The following CEP135 variants were observed in gnomAD, a reference collection of about 807,000 sequenced individuals.
CEP135 encodes the protein centrosomal protein of 135 kDa.
In CEP135, 142 loss-of-function variants were observed where a neutral mutation model predicts 157.3. The observed-to-expected ratio is 0.90, with a 90% CI of 0.79 to 1.04. The LOEUF is 1.04. Among genes scored for constraint, CEP135 ranks in the 50% least tolerant of loss-of-function variants. The pLI is 0.00. For synonymous variants in CEP135, 396 were observed against 439.8 expected, an observed-to-expected ratio of 0.90 and a Z score of 1.25; for missense variants, 1,317 against 1,309.2, an observed-to-expected ratio of 1.01 and a Z score of -0.09.
chr4:55,974,478 A>G (rs1187046459), intron 10 of CEP135, among the ~76,000 whole-genome samples: 1 of 152,184 alleles, frequency 6.6e-6, no homozygotes, highest in African/African-American at 2.4e-5. Flanking sequence ...TTCATTTTGT[A>G]GTACTGCATA....
chr4:56,015,470 C>T (rs1730740881), intron 21 of CEP135, among the ~76,000 whole-genome samples: 1 of 152,218 alleles, frequency 6.6e-6, no homozygotes, highest in Non-Finnish European at 1.5e-5. Context: ...TTTCAGAGGG[C>T]AAGGCCACTG....
At chr4:55,988,974 A>G (rs1043718841) in intron 14 of CEP135, among the ~76,000 whole-genome samples, 3 of 151,918 alleles carry the variant, frequency 2.0e-5, no homozygotes, top group Non-Finnish European at 4.4e-5. Context: ...TCGAAAAAAA[A>G]AAAAAACATA....
chr4:55,975,059 A>G (rs1729156398), intron 11 of CEP135, 90 bp downstream of exon 11: 4 of 944,178 alleles, frequency 4.2e-6, no homozygotes, highest in Non-Finnish European at 6.2e-6. Context: ...CTTTATTCGT[A>G]CTTGCTTTGA....
intron 21 of CEP135, among the ~76,000 whole-genome samples, chr4:56,015,092 T>TTAGCCTATC (rs1730725635): frequency 6.6e-6 from 1 of 152,140 alleles, no homozygotes; most frequent in South Asian, 2.1e-4. Context: ...TGGAAAATTC[T>TTAGCCTATC]TAGCCTATCC....
chr4:55,958,499 C>G (rs1728574024), intron 5 of CEP135, among the ~76,000 whole-genome samples: 1 of 152,162 alleles, frequency 6.6e-6, no homozygotes, highest in Non-Finnish European at 1.5e-5. Context: ...TTGACCTTAA[C>G]TGGGAAGTGT....
intron 24 of CEP135, among the ~76,000 whole-genome samples, chr4:56,024,038 G>A (rs1731068636): frequency 7.2e-6 from 1 of 139,644 alleles, no homozygotes; most frequent in African/African-American, 2.6e-5. Flanking sequence ...GTTATATATT[G>A]TATATTTTAT....
rs1240593181 is a variant in CEP135, at chr4:55,959,709, C to G, written c.642C>G (p.His214Gln). Reference sequence around the variant, plus strand: ...TTCAAGAACTTCAACAGGAAGTCCACCAGCTACAAGAAAAGTTAGCAATGA... The same window carrying G: ...TTCAAGAACTTCAACAGGAAGTCCAGCAGCTACAAGAAAAGTTAGCAATGA... ...NRIQELQQEV[H>Q]QLQEKLAMME... Residue 214 changes from histidine (H) to glutamine (Q), a missense_variant, in exon 6 of 26, where the codon CAC (histidine) becomes CAG (glutamine). Physicochemically the swap from His to Gln is conservative, Grantham distance 24. Coordinates refer to ENST00000257287, the MANE Select transcript of CEP135 (RefSeq NM_025009.5). 1.2e-6 allele frequency: 2 copies of G among 1,613,956 alleles called. No individual in the cohort carries two copies. The highest frequency in any genetic ancestry group is 3.3e-5 in the Admixed American group (2 of 60,012).
intron 10 of CEP135, among the ~76,000 whole-genome samples, chr4:55,972,489 CATCA>C (rs1441219767): frequency 1.3e-5 from 2 of 152,150 alleles, no homozygotes; most frequent in Non-Finnish European, 2.9e-5. Context: ...AACTTGGTAC[CATCA>C]AACTCTGTGT....
chr4:56,011,512 T>C lies in CEP135; in HGVS notation c.2606T>C (p.Met869Thr). 1 of 1,600,726 alleles carries C rather than the reference T, an allele frequency of 6.2e-7. No homozygotes were observed. The highest frequency in any genetic ancestry group is 2.2e-5 in the East Asian group (1 of 44,636). ...GAGGTGTCACGATGGGAGAGCTTAA[T>C]GGCTGCCAAGGTGAAAAATATTATT... is the stretch of plus-strand genomic sequence containing the variant. ...ITEVSRWESL[M>T]AAKEKENQDL... Residue 869 changes from methionine (M) to threonine (T), a missense_variant, in exon 20 of 26, where the codon ATG (methionine) becomes ACG (threonine). Transcript: ENST00000257287.
At chr4:55,949,992 C>T (rs923773320) in intron 1 of CEP135, among the ~76,000 whole-genome samples, 1 of 152,068 alleles carries the variant, frequency 6.6e-6, no homozygotes, top group Admixed American at 6.5e-5. Flanking sequence ...AGTGGTGCAC[C>T]GCCTGTAAGT....
intron 8 of CEP135, 76 bp from the exon 9 acceptor site, chr4:55,968,987 T>C (rs1728929830): frequency 1.8e-6 from 2 of 1,110,762 alleles, no homozygotes; most frequent in East Asian, 5.1e-5. Context: ...AATTGCAAAA[T>C]TACTTGATCT....
intron 17 of CEP135, among the ~76,000 whole-genome samples, chr4:56,007,396 G>T (rs1174862575): frequency 6.6e-6 from 1 of 152,250 alleles, no homozygotes; most frequent in African/African-American, 2.4e-5. Context: ...TGTCCCAGCA[G>T]TGTGGAAGGG....
At chr4:56,007,008 C>T (rs1730368816) in intron 17 of CEP135, among the ~76,000 whole-genome samples, 1 of 152,288 alleles carries the variant, frequency 6.6e-6, no homozygotes, top group South Asian at 2.1e-4. Flanking sequence ...ATTCTCCTGC[C>T]TCAGCCTCCC....
At chr4:56,012,929 C>CA (rs1279384294) in intron 21 of CEP135, among the ~76,000 whole-genome samples, 2 of 152,182 alleles carry the variant, frequency 1.3e-5, no homozygotes, top group Non-Finnish European at 2.9e-5. Context: ...ATTACTGGAT[C>CA]ATATGATAAT....
chr4:55,955,246 A>C (rs1484549999), intron 4 of CEP135, among the ~76,000 whole-genome samples: 1 of 152,222 alleles, frequency 6.6e-6, no homozygotes, highest in Non-Finnish European at 1.5e-5. Context: ...CTGGATTATG[A>C]GGCTAGGTCA....
At chr4:56,017,964 G>C in intron 22 of CEP135, 107 bp downstream of exon 22, 3 of 979,920 alleles carry the variant, frequency 3.1e-6, no homozygotes, top group Non-Finnish European at 4.4e-6. Flanking sequence ...TTTTAGAGTA[G>C]TTACTTTTTT....
At chr4:56,017,492 A>G (rs1230312478) in intron 21 of CEP135, among the ~76,000 whole-genome samples, 156 bp from the exon 22 acceptor site, 2 of 152,238 alleles carry the variant, frequency 1.3e-5, no homozygotes, top group Non-Finnish European at 2.9e-5. Context: ...TAAATAGGTC[A>G]TCTTTAAATA....
chr4:55,976,973 CT>C (rs571817739), intron 11 of CEP135, among the ~76,000 whole-genome samples: 3,209 of 146,148 alleles, frequency 0.022, 105 homozygotes, highest in African/African-American at 0.074. Flanking sequence ...CCATGCCTGG[CT>C]TTTTTTTTTT....
chr4:56,019,106 TA>T (rs990040334), intron 22 of CEP135, among the ~76,000 whole-genome samples: 4 of 152,300 alleles, frequency 2.6e-5, no homozygotes, highest in Admixed American at 2.6e-4. Flanking sequence ...GTACCATGAC[TA>T]AAAATTATTT....
Sources: allele counts gnomAD v4.1 joint callset (sites outside exome capture counted in the v4.1 genomes callset), GRCh38; gene constraint gnomAD v4.1.1; transcripts MANE v1.5; gene names NCBI Gene and HGNC (gene_info 2026-07-23, HGNC 2026-07-21).